METTL2B: variants seen among roughly 807,000 people sequenced by gnomAD.
METTL2B encodes the protein tRNA N(3)-cytidine methyltransferase METTL2B.
In METTL2B, 28 loss-of-function variants were observed where a neutral mutation model predicts 51.0. The observed-to-expected ratio is 0.55, with a 90% CI of 0.41 to 0.75. METTL2B has a LOEUF of 0.75. Among genes scored for constraint, METTL2B ranks in the 30% least tolerant of loss-of-function variants. The probability of loss-of-function intolerance (pLI) is 0.00; values close to 1 mark genes in which losing one functional copy is unlikely to be tolerated. For missense variants in METTL2B, 313 were observed against 460.7 expected, an observed-to-expected ratio of 0.68 and a Z score of 2.93; for synonymous variants, 128 against 166.3, an observed-to-expected ratio of 0.77 and a Z score of 1.77.
intron 4 of METTL2B, chr7:128,484,233 T>TTTTTTTTTTG (rs1563027709): frequency 1.1e-4 from 8 of 72,400 alleles, no homozygotes; most frequent in South Asian, 5.1e-4. Flanking sequence ...TTTTTTTTTT[T>TTTTTTTTTTG]TTTTTTTTTT....
intron 5 of METTL2B, among the ~76,000 whole-genome samples, chr7:128,490,948 G>T (rs1257294124): frequency 6.6e-6 from 1 of 151,664 alleles, no homozygotes; most frequent in Non-Finnish European, 1.5e-5. Context: ...GGATCATGAG[G>T]TCAGGAGTTC....
intron 5 of METTL2B, among the ~76,000 whole-genome samples, chr7:128,491,681 G>T (rs972030918): frequency 2.0e-5 from 3 of 148,028 alleles, no homozygotes; most frequent in African/African-American, 7.5e-5. Flanking sequence ...CAGGAGAATT[G>T]CTTGAACCTG....
rs769885641 is a variant in METTL2B at position 128,477,881 on chromosome 7, A to G, written c.202+708A>G. 4.4e-4 allele frequency: 186 copies of G among 423,632 alleles called. 1 individual carries two copies. The Middle Eastern group carries it at 7.7e-3, about 18-fold the overall frequency. The allele number at this position is 423,632 out of a possible 1,614,324, so 26.2% of individuals were successfully genotyped here. On this transcript the variant is annotated intron_variant, in intron 2 of 8. Transcript: ENST00000262432. Reference sequence around the variant, plus strand: ...CACCCTGCATAGTCTGACAGCAACTAGATCAAAGCAAGTTAATAGTTAAAA... The same window carrying G: ...CACCCTGCATAGTCTGACAGCAACTGGATCAAAGCAAGTTAATAGTTAAAA...
intron 8 of METTL2B, 29 bp downstream of exon 8, chr7:128,500,997 A>G (rs1793018419): frequency 1.2e-6 from 2 of 1,613,892 alleles, no homozygotes; most frequent in Non-Finnish European, 1.7e-6. Context: ...TTTACGCTAA[A>G]AGTCCCCAGT....
chr7:128,502,069 G>T lies in METTL2B; in HGVS notation c.*153G>T. ...CCATTGAGCCCAGGAGTCCAGCCTG[G>T]GCAAAATAGCGAGAGACCCTGAATC... On this transcript the variant is annotated 3_prime_UTR_variant, in exon 9 of 9. Coordinates refer to ENST00000262432, the MANE Select transcript of METTL2B (RefSeq NM_018396.3). 1 of 1,041,136 alleles carries T rather than the reference G, an allele frequency of 9.6e-7. No homozygotes were observed. The highest frequency in any genetic ancestry group is 1.4e-6 in the Non-Finnish European group (1 of 732,664). 64.5% of individuals were successfully genotyped at this position (1,041,136 alleles called of 1,614,324 possible).
At chr7:128,494,324 G>A (rs541199695) in intron 6 of METTL2B, among the ~76,000 whole-genome samples, 1 of 152,268 alleles carries the variant, frequency 6.6e-6, no homozygotes, top group East Asian at 1.9e-4. Context: ...AGTTGGGCTC[G>A]AAGTAAAAAG....
chr7:128,489,880 G>T (rs1792797447), intron 5 of METTL2B, among the ~76,000 whole-genome samples: 1 of 151,824 alleles, frequency 6.6e-6, no homozygotes, highest in African/African-American at 2.4e-5. Flanking sequence ...CGCCCGCCTC[G>T]GCCTCCCAAA....
intron 7 of METTL2B, among the ~76,000 whole-genome samples, chr7:128,498,780 CCT>C (rs1250483039): frequency 1.3e-5 from 2 of 152,118 alleles, no homozygotes; most frequent in African/African-American, 2.4e-5. Flanking sequence ...GGGCAGATCA[CCT>C]GAGGTCAAGA....
Position 128,488,324 on chromosome 7 carries a change from T to C in METTL2B, c.669+163T>C, listed in dbSNP as rs754564985. 6 of 892,584 alleles carry C rather than the reference T, an allele frequency of 6.7e-6. No individual in the cohort carries two copies. In the Admixed American group the frequency reaches 1.2e-4, roughly 18 times the overall value. 55.3% of individuals were successfully genotyped at this position (892,584 alleles called of 1,614,324 possible). A position where few individuals can be genotyped will look rare whatever the true frequency, so the allele number is the denominator to read the frequency against. ...CGAGCATACCTTGTTTTATTGCAGT[T>C]CACTTTATCACACTGTACAGATGTC... On this transcript the variant is annotated intron_variant, in intron 5 of 8. Transcript: ENST00000262432.
chr7:128,479,765 A>C (rs1799850072), intron 3 of METTL2B, among the ~76,000 whole-genome samples: 1 of 152,260 alleles, frequency 6.6e-6, no homozygotes, highest in Non-Finnish European at 1.5e-5. Context: ...TTGTATTAAT[A>C]GCATCATGCT....
At chr7:128,485,741 G>T (rs1234239526) in intron 4 of METTL2B, among the ~76,000 whole-genome samples, 1 of 151,784 alleles carries the variant, frequency 6.6e-6, no homozygotes, top group African/African-American at 2.4e-5. Flanking sequence ...TGAGGCCAGA[G>T]GATTGGTTGG....
At chr7:128,494,563 C>T (rs1337131226) in intron 6 of METTL2B, among the ~76,000 whole-genome samples, 2 of 152,076 alleles carry the variant, frequency 1.3e-5, no homozygotes, top group African/African-American at 2.4e-5. Flanking sequence ...CATCACATGC[C>T]GTTTTAGAAC....
intron 5 of METTL2B, among the ~76,000 whole-genome samples, chr7:128,490,702 A>G (rs2562739): frequency 0.023 from 3,547 of 152,212 alleles, 130 homozygotes; most frequent in African/African-American, 0.081. Flanking sequence ...TCAGGGGTTC[A>G]TGGTGCCTCA....
In METTL2B at chr7:128,502,888, A is replaced by AGCC; in HGVS notation, c.*972_*973insGCC. 4.9e-6 allele frequency: 1 copy of AGCC among 203,398 alleles called. No homozygotes were observed. The highest frequency in any genetic ancestry group is 1.0e-5 in the Non-Finnish European group (1 of 98,352). 12.6% of individuals were successfully genotyped at this position (203,398 alleles called of 1,614,324 possible). A position where few individuals can be genotyped will look rare whatever the true frequency, so the allele number is the denominator to read the frequency against. On this transcript the variant is annotated 3_prime_UTR_variant, in exon 9 of 9. Transcript: ENST00000262432. ...ACTCCAGCCTGGGCAACAAAGCAAG[A>AGCC]CTCTGTCTCAAAAAAATAAAAATAA...
chr7:128,494,066 C>G, intron 6 of METTL2B, 123 bp downstream of exon 6: 1 of 1,255,088 alleles, frequency 8.0e-7, no homozygotes, highest in South Asian at 1.5e-5. Context: ...GATCATGGCT[C>G]ACTGCAGCCT....
At chr7:128,480,468 G>A (rs971470370) in intron 3 of METTL2B, among the ~76,000 whole-genome samples, 179 bp from the exon 4 acceptor site, 2 of 152,088 alleles carry the variant, frequency 1.3e-5, no homozygotes, top group Non-Finnish European at 2.9e-5. Context: ...GTCTTTTAAG[G>A]GTTCCTGAAG....
intron 6 of METTL2B, 75 bp downstream of exon 6, chr7:128,494,018 G>T (rs112738823): frequency 2.6e-6 from 4 of 1,539,984 alleles, no homozygotes; most frequent in South Asian, 1.2e-5. Flanking sequence ...TTAAAATAGG[G>T]TCTTGCTCCG....
intron 4 of METTL2B, chr7:128,483,173 GA>G (rs1187257933): frequency 6.6e-6 from 1 of 152,152 alleles, no homozygotes; most frequent in African/African-American, 2.4e-5. Context: ...TATCATCAAT[GA>G]ATGTAAAACT....
rs375196708 is a variant in METTL2B at position 128,498,185 on chromosome 7, C to T, written c.916+43C>T. On this transcript the variant is annotated intron_variant, in intron 7 of 8. Coordinates refer to ENST00000262432, the MANE Select transcript of METTL2B (RefSeq NM_018396.3). ...AATCCTAACCACTAGAGATCATGTC[C>T]TTTGCAGGGACATGGATGAAGCTGG... The T allele has an allele frequency of 3.8e-6, 6 of 1,598,344 alleles. No homozygotes were observed. In the African/African-American group the frequency reaches 6.7e-5, roughly 18 times the overall value.
Sources: allele counts gnomAD v4.1 joint callset (sites outside exome capture counted in the v4.1 genomes callset), GRCh38; gene constraint gnomAD v4.1.1; transcripts MANE v1.5; gene names NCBI Gene and HGNC (gene_info 2026-07-23, HGNC 2026-07-21).